Variants in SPTBN4 observed in about 807,000 individuals in gnomAD.
SPTBN4 encodes the protein spectrin beta chain, non-erythrocytic 4.
Under a neutral mutation model 277.8 loss-of-function variants are expected in SPTBN4, and 96 were observed. The observed-to-expected ratio is 0.35, with a 90% CI of 0.29 to 0.41. SPTBN4 has a LOEUF of 0.41. SPTBN4 is among the 10% of genes least tolerant of loss of function. The pLI is 1.00. For synonymous variants in SPTBN4, 1,481 were observed against 1,580.3 expected (o/e 0.94, Z 1.49); for missense variants, 3,006 against 3,595.7 (o/e 0.84, Z 4.19).
Position 40,504,152 on chromosome 19 carries a change from G to GGCCCGCCC in SPTBN4, c.1665+20_1665+21insGCCCGCCC. On this transcript the variant is annotated intron_variant, in intron 12 of 35. Transcript: ENST00000598249. The stretch of plus-strand genomic sequence containing the variant: ...ATGCAGGTGCCGGCGGGGGGGCGGG[G>GGCCCGCCC]ATGCGGGTGGAGTGCCAGGAGGGAG... 1 of 877,206 alleles carries GGCCCGCCC rather than the reference G, an allele frequency of 1.1e-6. No homozygotes were observed. The highest frequency in any genetic ancestry group is 1.8e-6 in the Non-Finnish European group (1 of 566,484). 54.3% of individuals were successfully genotyped at this position (877,206 alleles called of 1,614,324 possible).
In SPTBN4 at chr19:40,554,082, G is replaced by A. The variant is rs2080947522; in HGVS notation, c.4675-65G>A. ...TGGGCCGTGCCAGTAGCAGAGGAGC[G>A]TGTGGTCTTGCAGGGCCTCGGAACG... On this transcript the variant is annotated intron_variant, in intron 22 of 35. Coordinates refer to ENST00000598249, the MANE Select transcript of SPTBN4 (RefSeq NM_020971.3). The surrounding 1 kb of genome is among the most constrained non-coding windows in gnomAD (Gnocchi z 5.7). 1.5e-6 allele frequency: 2 copies of A among 1,371,206 alleles called. No homozygotes were observed. Among genetic ancestry groups the A allele is most frequent in the Non-Finnish European group, 9.4e-7 (1 of 1,065,570 alleles). 84.9% of individuals were successfully genotyped at this position (1,371,206 alleles called of 1,614,324 possible). A position where few individuals can be genotyped will look rare whatever the true frequency, so the allele number is the denominator to read the frequency against.
chr19:40,483,661 C>T (rs1741711124), intron 2 of SPTBN4, among the ~76,000 whole-genome samples: 1 of 152,026 alleles, frequency 6.6e-6, no homozygotes, highest in Non-Finnish European at 1.5e-5. Context: ...ATCAATCATA[C>T]CTGAGAAAGT....
intron 17 of SPTBN4, among the ~76,000 whole-genome samples, chr19:40,524,882 C>T (rs2080572189): frequency 6.6e-6 from 1 of 152,188 alleles, no homozygotes; most frequent in Non-Finnish European, 1.5e-5. Context: ...TACTGTGTGC[C>T]AGGCACTATT....
chr19:40,478,675 A>G (rs1327561808), intron 2 of SPTBN4, among the ~76,000 whole-genome samples: 4 of 151,932 alleles, frequency 2.6e-5, no homozygotes, highest in Non-Finnish European at 4.4e-5. Context: ...CCTCCCGAGT[A>G]GTTGGTATTA....
intron 2 of SPTBN4, among the ~76,000 whole-genome samples, chr19:40,475,825 C>T (rs1384178770): frequency 1.3e-5 from 2 of 150,652 alleles, no homozygotes; most frequent in African/African-American, 2.4e-5. Flanking sequence ...GCGGGCGGAT[C>T]GCTTGAGCCC....
At position 40,502,261 on chromosome 19, in the gene SPTBN4, T is replaced by C. The variant is rs2080271472; in HGVS notation, c.1031T>C (p.Val344Ala). 4 of 1,613,420 alleles carry C rather than the reference T, an allele frequency of 2.5e-6. No homozygotes were observed. In the Admixed American group the frequency reaches 6.7e-5, roughly 27 times the overall value. The change falls in exon 9 of 36, where the codon GTG becomes GCG. Residue 344 changes from valine (V) to alanine (A), a missense_variant. Val to Ala is a moderately conservative substitution (Grantham distance 64). Coordinates refer to ENST00000598249, the MANE Select transcript of SPTBN4 (RefSeq NM_020971.3). This position sits in a 1 kb window ranked among gnomAD's most constrained non-coding sequence, Gnocchi z 4.9. ...NQKFANSLSG[V>A]QQQLQAFTAY... ...AAATTTGCCAACTCCTTAAGTGGGG[T>C]GCAGCAGCAACTCCAGGCTTTCACG...
chr19:40,531,118 G>A (rs2080664943), intron 18 of SPTBN4, among the ~76,000 whole-genome samples: 1 of 152,004 alleles, frequency 6.6e-6, no homozygotes, highest in Non-Finnish European at 1.5e-5. Flanking sequence ...GCTTTTCCTG[G>A]GTTGTTGGAT....
chr19:40,570,712 C>A lies in SPTBN4; in HGVS notation c.7303C>A (p.Arg2435Ser), dbSNP rs777273785. The A allele has an allele frequency of 1.2e-6, 2 of 1,608,374 alleles. No individual in the cohort carries two copies. Among genetic ancestry groups the A allele is most frequent in the South Asian group, 2.2e-5 (2 of 90,586 alleles). The part of the protein sequence containing the change: ...LLRKRELDAN[R>S]KSSNRSWVSL... ...GCGCAAGCGCGAGCTCGACGCTAAC[C>A]GCAAGTCGTCCAACCGGTGAGCGTG... Residue 2435 changes from arginine to serine, a missense_variant, in exon 33 of 36, where the codon CGC becomes AGC. Coordinates refer to ENST00000598249, the MANE Select transcript of SPTBN4 (RefSeq NM_020971.3).
Position 40,502,084 on chromosome 19 carries a change from G to A in SPTBN4, c.898-44G>A, listed in dbSNP as rs1014901803. Reference sequence around the variant, plus strand: ...GTGGGAAGCTGGAAGCTGGTGGCAGGCACGGGTGGGATGAGGCTGACCCCC... The same window carrying A: ...GTGGGAAGCTGGAAGCTGGTGGCAGACACGGGTGGGATGAGGCTGACCCCC... On this transcript the variant is annotated intron_variant, in intron 8 of 35. Coordinates refer to ENST00000598249, the MANE Select transcript of SPTBN4 (RefSeq NM_020971.3). This position sits in a 1 kb window ranked among gnomAD's most constrained non-coding sequence, Gnocchi z 4.9. 3 of 1,613,506 alleles carry A rather than the reference G, an allele frequency of 1.9e-6. No individual in the cohort carries two copies. The highest frequency in any genetic ancestry group is 2.5e-6 in the Non-Finnish European group (3 of 1,179,868).
intron 31 of SPTBN4, among the ~76,000 whole-genome samples, chr19:40,568,485 C>T (rs2081119499): frequency 6.6e-6 from 1 of 152,184 alleles, no homozygotes; most frequent in Non-Finnish European, 1.5e-5. Context: ...GGGAGCCCTT[C>T]CTGTTGAAAG....
Position 40,504,150 on chromosome 19 carries a change from G to GCCCCCCA in SPTBN4, c.1665+18_1665+19insCCCCCCA. 1 of 1,020,996 alleles carries GCCCCCCA rather than the reference G, an allele frequency of 9.8e-7. No homozygotes were observed. The highest frequency in any genetic ancestry group is 1.5e-6 in the Non-Finnish European group (1 of 681,360). 63.2% of individuals were successfully genotyped at this position (1,020,996 alleles called of 1,614,324 possible). A position where few individuals can be genotyped will look rare whatever the true frequency, so the allele number is the denominator to read the frequency against. ...AGATGCAGGTGCCGGCGGGGGGGCGGGGATGCGGGTGGAGTGCCAGGAGGG... is the reference window on the plus strand; with the variant it reads ...AGATGCAGGTGCCGGCGGGGGGGCGGCCCCCCAGGATGCGGGTGGAGTGCCAGGAGGG... On this transcript the variant is annotated intron_variant, in intron 12 of 35. Transcript: ENST00000598249.
At chr19:40,562,111 G>T (rs1267125104) in intron 27 of SPTBN4, among the ~76,000 whole-genome samples, 2 of 152,114 alleles carry the variant, frequency 1.3e-5, no homozygotes, top group East Asian at 3.9e-4. Flanking sequence ...AGGGTGAGAG[G>T]AAGTGAGTAC....
intron 12 of SPTBN4, among the ~76,000 whole-genome samples, chr19:40,504,896 A>C (rs1457274877): frequency 6.6e-6 from 1 of 152,106 alleles, no homozygotes; most frequent in Middle Eastern, 3.2e-3. Context: ...ATATAGAAAC[A>C]GAGTAAACCA....
chr19:40,502,509 T>C lies in SPTBN4; in HGVS notation c.1203+2T>C. 6.2e-7 allele frequency: 1 copy of C among 1,610,122 alleles called. No individual in the cohort carries two copies. The highest frequency in any genetic ancestry group is 8.5e-7 in the Non-Finnish European group (1 of 1,178,422). ...TGTGGCATCTGGGATATTGACAAGG[T>C]GAGGCCGGGGATGCAGGGGAGAGGC... is the stretch of plus-strand genomic sequence containing the variant. On this transcript the variant is annotated splice_donor_variant, in intron 10 of 35. Transcript: ENST00000598249. LOFTEE classifies it high-confidence loss of function. This position sits in a 1 kb window ranked among gnomAD's most constrained non-coding sequence, Gnocchi z 4.9.
intron 30 of SPTBN4, among the ~76,000 whole-genome samples, chr19:40,566,858 G>C (rs1367044868): frequency 6.6e-6 from 1 of 151,790 alleles, no homozygotes; most frequent in Non-Finnish European, 1.5e-5. Context: ...CCAGCTACTC[G>C]GGAGGCTGAG....
At position 40,512,988 on chromosome 19, in the gene SPTBN4, C is replaced by T; in HGVS notation, c.2199C>T (p.Gly733=). 1.4e-6 allele frequency: 2 copies of T among 1,419,900 alleles called. No homozygotes were observed. The highest frequency in any genetic ancestry group is 1.8e-6 in the Non-Finnish European group (2 of 1,096,144). The allele number at this position is 1,419,900 out of a possible 1,614,324, so 88.0% of individuals were successfully genotyped here. A position where few individuals can be genotyped will look rare whatever the true frequency, so the allele number is the denominator to read the frequency against. Residue 733 remains glycine, a synonymous_variant, in exon 14 of 36, where the codon GGC becomes GGT. Transcript: ENST00000598249. ...EELVAAGGAV[G]PGADTVHLVG... ...TGGTTGCGGCCGGCGGTGCCGTCGG[C>T]CCGGGAGCAGACACCGTGCACCTGG...
At chr19:40,534,546 T>A (rs979529066) in intron 20 of SPTBN4, 8 of 654,270 alleles carry the variant, frequency 1.2e-5, no homozygotes, top group Non-Finnish European at 2.0e-5. Flanking sequence ...AGGTATGGAG[T>A]ACAAAGGGAA....
At chr19:40,497,736 C>A in intron 7 of SPTBN4, 132 bp downstream of exon 7, 1 of 713,592 alleles carries the variant, frequency 1.4e-6, no homozygotes, top group Non-Finnish European at 2.4e-6. Flanking sequence ...CAACTCTTTC[C>A]AAATCCCAAC....
At chr19:40,565,393 G>C (rs1381601085) in intron 27 of SPTBN4, 30 bp from the exon 28 acceptor site, 1 of 1,598,230 alleles carries the variant, frequency 6.3e-7, no homozygotes, top group Non-Finnish European at 8.5e-7. Context: ...GCTCCCTGTG[G>C]CTCAGATCCC....
Sources: allele counts gnomAD v4.1 joint callset (sites outside exome capture counted in the v4.1 genomes callset), GRCh38; gene constraint gnomAD v4.1.1; non-coding constraint Gnocchi (gnomAD v3.1); transcripts MANE v1.5; gene names NCBI Gene and HGNC (gene_info 2026-07-23, HGNC 2026-07-21).